Variants in SPATA9 observed in about 807,000 individuals in gnomAD.
The protein encoded by SPATA9 is spermatogenesis-associated protein 9.
A neutral mutation model predicts 25.5 loss-of-function variants in SPATA9; 27 were observed. The ratio of observed to expected loss-of-function variants is 1.06; its 90% confidence interval spans 0.78 to 1.46. The LOEUF is 1.46. SPATA9 is among the 40% of genes most tolerant of loss of function. The pLI is 0.00. For synonymous variants in SPATA9, 102 were observed against 105.7 expected, an observed-to-expected ratio of 0.97 and a Z score of 0.21; for missense variants, 282 against 297.5, an observed-to-expected ratio of 0.95 and a Z score of 0.38.
the SPATA9 span, among the ~76,000 whole-genome samples, chr5:95,726,382 G>A: frequency 6.7e-3 from 1,016 of 152,292 alleles, 5 homozygotes; most frequent in Non-Finnish European, 0.01. Flanking sequence ...GTATTGACTT[G>A]TATATAGTAC....
downstream of SPATA9, chr5:95,652,830 T>C: frequency 2.7e-6 from 1 of 369,042 alleles, no homozygotes; most frequent in Non-Finnish European, 4.8e-6. Flanking sequence ...AGCCACCACC[T>C]TTTTCATGGA....
chr5:95,713,063 T>C, the SPATA9 span, among the ~76,000 whole-genome samples: 1 of 152,242 alleles, frequency 6.6e-6, no homozygotes, highest in Non-Finnish European at 1.5e-5. Context: ...TATGCATGCA[T>C]ACATTTGTTC....
chr5:95,657,159 G>A (rs754981504), downstream of SPATA9: 49 of 152,070 alleles, frequency 3.2e-4, 1 homozygote, highest in Admixed American at 1.8e-3. Flanking sequence ...CTTTGTGAAT[G>A]TAGGCACAAC....
downstream of SPATA9, chr5:95,655,194 C>A (rs1201179944): frequency 6.6e-6 from 1 of 152,190 alleles, no homozygotes; most frequent in Non-Finnish European, 1.5e-5. Flanking sequence ...TCCAAACCCA[C>A]ATATGTGAAT....
intron 3 of SPATA9, chr5:95,674,551 T>C: frequency 3.6e-6 from 1 of 277,052 alleles, no homozygotes; most frequent in East Asian, 1.1e-4. Flanking sequence ...CCTGGAAGAT[T>C]ATAGCCAAGG....
At chr5:95,686,905 A>C (rs1753761232), upstream of SPATA9, among the ~76,000 whole-genome samples, 3 of 152,170 alleles carry the variant, frequency 2.0e-5, no homozygotes, top group South Asian at 6.2e-4. Flanking sequence ...AAACTTTCTA[A>C]GGCAGTGGAC....
At chr5:95,676,357 C>T (rs961646865) in intron 2 of SPATA9, among the ~76,000 whole-genome samples, 4 of 152,100 alleles carry the variant, frequency 2.6e-5, no homozygotes, top group African/African-American at 7.2e-5. Context: ...ACCCATCACC[C>T]GAGCAGTGTA....
At chr5:95,714,395 G>A in the SPATA9 span, among the ~76,000 whole-genome samples, 1 of 152,164 alleles carries the variant, frequency 6.6e-6, no homozygotes, top group African/African-American at 2.4e-5. Context: ...CAACATGTAG[G>A]AGACTGACTG....
downstream of SPATA9, chr5:95,652,440 G>A: frequency 1.4e-6 from 2 of 1,390,872 alleles, no homozygotes; most frequent in Non-Finnish European, 1.9e-6. Flanking sequence ...CTACTTGGAT[G>A]TCTCTGAGAT....
At chr5:95,664,173 A>G in intron 3 of SPATA9, 125 bp from the exon 4 acceptor site, 1 of 468,718 alleles carries the variant, frequency 2.1e-6, no homozygotes, top group Non-Finnish European at 3.7e-6. Flanking sequence ...CTTTAGAGCT[A>G]TCTGGGCTTT....
intron 3 of SPATA9, among the ~76,000 whole-genome samples, chr5:95,668,202 G>A (rs1752006807): frequency 6.6e-6 from 1 of 152,088 alleles, no homozygotes; most frequent in Admixed American, 6.6e-5. Flanking sequence ...CTCAGGTTTT[G>A]TCCTTCACCT....
intron 2 of SPATA9, among the ~76,000 whole-genome samples, chr5:95,676,673 T>C (rs1752975722): frequency 6.6e-6 from 1 of 152,232 alleles, no homozygotes; most frequent in South Asian, 2.1e-4. Context: ...ATTTGAATTC[T>C]ACCATCATCT....
intron 3 of SPATA9, among the ~76,000 whole-genome samples, chr5:95,664,923 T>A (rs991359131): frequency 3.3e-5 from 5 of 152,098 alleles, no homozygotes; most frequent in African/African-American, 1.2e-4. Context: ...GTTATAACAT[T>A]GAAAAAACTA....
the SPATA9 span, among the ~76,000 whole-genome samples, chr5:95,715,931 T>C: frequency 1.3e-5 from 2 of 152,078 alleles, no homozygotes; most frequent in African/African-American, 2.4e-5. Flanking sequence ...AGATACCACA[T>C]AAAAAGACAA....
At chr5:95,690,778 T>C (rs1476883209) in intron 1 of SPATA9, among the ~76,000 whole-genome samples, 1 of 152,216 alleles carries the variant, frequency 6.6e-6, no homozygotes, top group Non-Finnish European at 1.5e-5. Context: ...ATGAACAGCC[T>C]AAATAAGAGC....
At chr5:95,702,342 A>G (rs1266671867), upstream of SPATA9, among the ~76,000 whole-genome samples, 1 of 152,214 alleles carries the variant, frequency 6.6e-6, no homozygotes, top group East Asian at 1.9e-4. Context: ...ATTTGGAAAT[A>G]TCCATCAAGG....
At chr5:95,675,767 A>G (rs1172109049) in intron 2 of SPATA9, 128 bp from the exon 3 acceptor site, 3 of 668,082 alleles carry the variant, frequency 4.5e-6, no homozygotes, top group Middle Eastern at 3.6e-4. Context: ...TCAACATCCA[A>G]TATTTCTGTC....
chr5:95,724,586 T>C, the SPATA9 span, among the ~76,000 whole-genome samples: 1 of 152,190 alleles, frequency 6.6e-6, no homozygotes, highest in Non-Finnish European at 1.5e-5. Context: ...CTCTACTCCC[T>C]ACTTGGGTAG....
At chr5:95,656,415 T>C (rs904857221), downstream of SPATA9, 1 of 818,966 alleles carries the variant, frequency 1.2e-6, no homozygotes, top group Non-Finnish European at 1.9e-6. Context: ...TAGGCACAAC[T>C]GTTTAAAATT....
Sources: allele counts gnomAD v4.1 joint callset (sites outside exome capture counted in the v4.1 genomes callset), GRCh38; gene constraint gnomAD v4.1.1; transcripts MANE v1.5; gene names NCBI Gene and HGNC (gene_info 2026-07-23, HGNC 2026-07-21).